GRIA4: variants seen among roughly 807,000 people sequenced by gnomAD.
GRIA4 encodes the protein glutamate receptor 4.
A neutral mutation model predicts 104.0 loss-of-function variants in GRIA4; 34 were observed. The observed-to-expected ratio is 0.33, with a 90% CI of 0.25 to 0.44. GRIA4 has a LOEUF of 0.44. Among genes scored for constraint, GRIA4 ranks in the 20% least tolerant of loss-of-function variants. The pLI, the probability that GRIA4 is intolerant of heterozygous loss-of-function variation, is 1.00. For missense variants in GRIA4, 750 were observed against 1,096.5 expected (o/e 0.68, Z 4.46); for synonymous variants, 386 against 381.9 (o/e 1.01, Z -0.13).
intron 9 of GRIA4, among the ~76,000 whole-genome samples, chr11:105,908,614 C>CAAAAAA (rs3060300): frequency 6.8e-6 from 1 of 148,064 alleles, no homozygotes; most frequent in Non-Finnish European, 1.5e-5. Flanking sequence ...GGTATAAGGC[C>CAAAAAA]AAAAAAAAAA....
intron 14 of GRIA4, among the ~76,000 whole-genome samples, chr11:105,952,163 C>T (rs1265296277): frequency 5.3e-5 from 8 of 152,054 alleles, no homozygotes; most frequent in Admixed American, 4.6e-4. Flanking sequence ...TAGAAGTCAT[C>T]ACTATTTTTA....
intron 5 of GRIA4, among the ~76,000 whole-genome samples, chr11:105,869,734 G>A (rs1945548312): frequency 6.6e-6 from 1 of 151,984 alleles, no homozygotes; most frequent in Non-Finnish European, 1.5e-5. Flanking sequence ...TGTGCTCTCT[G>A]CCAGCAAATG....
At chr11:105,960,568 G>A (rs1948714856) in intron 14 of GRIA4, among the ~76,000 whole-genome samples, 1 of 152,182 alleles carries the variant, frequency 6.6e-6, no homozygotes, top group South Asian at 2.1e-4. Flanking sequence ...TAGCATGTTA[G>A]GCAATTGTGA....
At chr11:105,819,390 A>G (rs1160441345) in intron 4 of GRIA4, among the ~76,000 whole-genome samples, 1 of 152,158 alleles carries the variant, frequency 6.6e-6, no homozygotes, top group Non-Finnish European at 1.5e-5. Context: ...ATTAATTCTC[A>G]TAAATCACTC....
intron 3 of GRIA4, among the ~76,000 whole-genome samples, chr11:105,731,530 A>G (rs945608274): frequency 6.6e-6 from 1 of 152,208 alleles, no homozygotes; most frequent in African/African-American, 2.4e-5. Flanking sequence ...TACTGGGTAT[A>G]TACCCAAAGG....
intron 3 of GRIA4, among the ~76,000 whole-genome samples, chr11:105,703,044 C>T (rs952372921): frequency 6.6e-6 from 1 of 152,006 alleles, no homozygotes; most frequent in Non-Finnish European, 1.5e-5. Context: ...CTAGATTGAA[C>T]TTAGGCATGG....
rs868643114 is a variant in GRIA4, at chr11:105,703,186, T to C, written c.248-49795T>C. Among the ~76,000 whole-genome samples the C allele has an allele frequency of 2.0e-5, 3 of 152,164 alleles. No individual in the cohort carries two copies. In the South Asian group the frequency reaches 6.2e-4, roughly 32 times the overall value. ...TTGTTATTGTTGCTTTAGAGTACAG[T>C]TAGATAATAAAACAAAAACGAGTTC... is the stretch of plus-strand genomic sequence containing the variant. On this transcript the variant is annotated intron_variant, in intron 3 of 16. Transcript: ENST00000282499.
chr11:105,682,043 T>TAAC (rs988740222), intron 3 of GRIA4, among the ~76,000 whole-genome samples: 4 of 151,050 alleles, frequency 2.6e-5, no homozygotes, highest in Non-Finnish European at 5.9e-5. Flanking sequence ...CTGTCTAATA[T>TAAC]AATAATAATA....
intron 4 of GRIA4, among the ~76,000 whole-genome samples, chr11:105,827,393 T>C (rs2135921948): frequency 6.6e-6 from 1 of 152,140 alleles, no homozygotes; most frequent in East Asian, 1.9e-4. Context: ...AGAAAATATT[T>C]AGAAGAAAAA....
At chr11:105,650,639 C>T (rs1413667710) in intron 3 of GRIA4, among the ~76,000 whole-genome samples, 3 of 152,112 alleles carry the variant, frequency 2.0e-5, no homozygotes, top group East Asian at 1.9e-4. Context: ...TTAGGAAGGG[C>T]AGACACTTTT....
chr11:105,898,197 T>A, intron 6 of GRIA4, 72 bp from the exon 7 acceptor site: 2 of 713,362 alleles, frequency 2.8e-6, no homozygotes, highest in Non-Finnish European at 4.8e-6. Context: ...AGGTTATTAA[T>A]TTATGTTACT....
intron 4 of GRIA4, among the ~76,000 whole-genome samples, chr11:105,850,209 G>T (rs1443593412): frequency 2.0e-5 from 3 of 152,020 alleles, no homozygotes; most frequent in Non-Finnish European, 4.4e-5. Flanking sequence ...TACAAACTTG[G>T]TTCCAATTTG....
chr11:105,632,117 A>G (rs1271319197), intron 3 of GRIA4, among the ~76,000 whole-genome samples: 6 of 152,212 alleles, frequency 3.9e-5, no homozygotes, highest in Admixed American at 2.0e-4. Context: ...GATGGTTTGG[A>G]CAGGGGATTG....
chr11:105,884,874 G>T (rs1481923018), intron 5 of GRIA4, among the ~76,000 whole-genome samples: 1 of 152,130 alleles, frequency 6.6e-6, no homozygotes, highest in East Asian at 1.9e-4. Flanking sequence ...ACATTTACAA[G>T]TATTTCCACT....
At chr11:105,911,951 T>C in intron 10 of GRIA4, 1 of 1,535,458 alleles carries the variant, frequency 6.5e-7, no homozygotes. Context: ...CATTCCTAAC[T>C]AAGGCTCAAG....
intron 3 of GRIA4, among the ~76,000 whole-genome samples, chr11:105,752,326 C>A (rs1418644575): frequency 6.6e-6 from 1 of 152,112 alleles, no homozygotes; most frequent in Non-Finnish European, 1.5e-5. Context: ...ACATGCGCAG[C>A]TGGCCCCAAT....
chr11:105,747,382 G>T (rs1443322559), intron 3 of GRIA4, among the ~76,000 whole-genome samples: 2 of 151,998 alleles, frequency 1.3e-5, no homozygotes, highest in African/African-American at 4.8e-5. Flanking sequence ...AAATTACCAA[G>T]GATTTTAGGC....
chr11:105,920,050 T>A (rs551475559), intron 11 of GRIA4, among the ~76,000 whole-genome samples: 31 of 152,250 alleles, frequency 2.0e-4, no homozygotes, highest in African/African-American at 7.5e-4. Flanking sequence ...CGATTCTGCA[T>A]CTTGCCTTTT....
intron 4 of GRIA4, among the ~76,000 whole-genome samples, chr11:105,802,865 A>C (rs965458525): frequency 4.0e-5 from 6 of 151,802 alleles, no homozygotes; most frequent in Non-Finnish European, 8.8e-5. Flanking sequence ...ACTTACATTA[A>C]GAATATAAAT....
Sources: allele counts gnomAD v4.1 joint callset (sites outside exome capture counted in the v4.1 genomes callset), GRCh38; gene constraint gnomAD v4.1.1; transcripts MANE v1.5; gene names NCBI Gene and HGNC (gene_info 2026-07-23, HGNC 2026-07-21).